The following NCALD variants were observed in gnomAD, a reference collection of about 807,000 sequenced individuals.
The protein encoded by NCALD is neurocalcin-delta.
NCALD carries 10 observed loss-of-function variants against 18.6 expected under a neutral mutation model. The observed-to-expected ratio is 0.54, with a 90% CI of 0.33 to 0.91. The LOEUF is 0.91. Among genes scored for constraint, NCALD ranks in the 40% least tolerant of loss-of-function variants. The probability of loss-of-function intolerance (pLI) is 0.03; values close to 1 mark genes in which losing one functional copy is unlikely to be tolerated. For missense variants in NCALD, 184 were observed against 247.6 expected, an observed-to-expected ratio of 0.74 and a Z score of 1.72; for synonymous variants, 88 against 87.4, an observed-to-expected ratio of 1.01 and a Z score of -0.04.
intron 4 of NCALD, among the ~76,000 whole-genome samples, chr8:101,883,210 C>CA (rs34419620): frequency 1.3e-5 from 2 of 152,012 alleles, no homozygotes; most frequent in African/African-American, 4.8e-5. Context: ...TCTGACTCGA[C>CA]AAAAAATACA....
At chr8:102,047,770 C>T (rs1308217951) in intron 1 of NCALD, among the ~76,000 whole-genome samples, 1 of 152,146 alleles carries the variant, frequency 6.6e-6, no homozygotes, top group Non-Finnish European at 1.5e-5. Flanking sequence ...TATTATTATT[C>T]TTCCCATTTT....
At chr8:101,731,167 G>A (rs1392604281) in intron 1 of NCALD, among the ~76,000 whole-genome samples, 4 of 152,130 alleles carry the variant, frequency 2.6e-5, no homozygotes, top group African/African-American at 4.8e-5. Context: ...AACTGGAGGC[G>A]TGCCTAGCGT....
chr8:101,782,026 A>G (rs2130959250), intron 1 of NCALD, among the ~76,000 whole-genome samples: 1 of 148,748 alleles, frequency 6.7e-6, no homozygotes, highest in Admixed American at 6.8e-5. Context: ...TGATTCAAAG[A>G]TTTTTCAGAA....
chr8:102,033,228 A>G (rs1394573620), intron 1 of NCALD, among the ~76,000 whole-genome samples: 2 of 152,076 alleles, frequency 1.3e-5, no homozygotes, highest in African/African-American at 4.8e-5. Flanking sequence ...CCTGCCATAT[A>G]CTCCATCATC....
At chr8:101,714,581 G>A (rs912893772) in intron 2 of NCALD, among the ~76,000 whole-genome samples, 3 of 152,188 alleles carry the variant, frequency 2.0e-5, no homozygotes, top group Non-Finnish European at 4.4e-5. Flanking sequence ...GTAATTTATA[G>A]ATTCAATGCT....
At chr8:101,694,748 C>A (rs1197531442) in intron 2 of NCALD, among the ~76,000 whole-genome samples, 2 of 152,048 alleles carry the variant, frequency 1.3e-5, no homozygotes, top group African/African-American at 2.4e-5. Flanking sequence ...TCATCCCAGC[C>A]CAGGTCTGCT....
intron 4 of NCALD, among the ~76,000 whole-genome samples, chr8:101,875,039 C>G (rs1268894144): frequency 6.6e-6 from 1 of 152,180 alleles, no homozygotes; most frequent in Admixed American, 6.5e-5. Flanking sequence ...GACAACATAA[C>G]TGCATAATAA....
At chr8:101,856,563 AAAAAG>A (rs1484882841) in intron 4 of NCALD, among the ~76,000 whole-genome samples, 4 of 152,200 alleles carry the variant, frequency 2.6e-5, no homozygotes, top group Non-Finnish European at 5.9e-5. Context: ...ATTAAGAAAA[AAAAAG>A]AAAACTGCTA....
At position 101,973,250 on chromosome 8, in the gene NCALD, T is replaced by C. The variant is rs191926294; in HGVS notation, c.-157+46987A>G. Among the ~76,000 whole-genome samples the C allele has an allele frequency of 5.9e-5, 9 of 152,288 alleles. No homozygotes were observed. The East Asian group carries it at 1.7e-3, about 29-fold the overall frequency. Reference sequence around the variant, plus strand: ...TCCCATCTAGGATACCACATTACATTTATCATTATGTCTCCATAGGCTCCT... The same window carrying C: ...TCCCATCTAGGATACCACATTACATCTATCATTATGTCTCCATAGGCTCCT... On this transcript the variant is annotated intron_variant, in intron 2 of 6. Coordinates refer to the NCALD transcript ENST00000311028.
chr8:102,082,265 C>T (rs1824573017), intron 1 of NCALD, among the ~76,000 whole-genome samples: 1 of 111,836 alleles, frequency 8.9e-6, no homozygotes, highest in Non-Finnish European at 1.6e-5. Flanking sequence ...GGGAGTCTCG[C>T]TCTGTCGCCC....
intron 2 of NCALD, among the ~76,000 whole-genome samples, chr8:101,988,902 G>GAAAAAAAA (rs35196499): frequency 1.5e-5 from 1 of 66,070 alleles, no homozygotes. Flanking sequence ...GGTGCCAGCA[G>GAAAAAAAA]AAAAAAAAAA....
chr8:101,980,635 T>C (rs572095007), intron 2 of NCALD, among the ~76,000 whole-genome samples: 3 of 152,338 alleles, frequency 2.0e-5, no homozygotes, highest in South Asian at 2.1e-4. Flanking sequence ...GGCTCATCTT[T>C]GGAAGACGGT....
chr8:102,112,956 TAC>T (rs1825684042), intron 1 of NCALD, among the ~76,000 whole-genome samples: 1 of 152,104 alleles, frequency 6.6e-6, no homozygotes, highest in South Asian at 2.1e-4. Flanking sequence ...CTTGAATTTT[TAC>T]AGACATCAGA....
chr8:101,965,531 A>G (rs1294537202), intron 2 of NCALD, among the ~76,000 whole-genome samples: 1 of 152,072 alleles, frequency 6.6e-6, no homozygotes, highest in East Asian at 1.9e-4. Context: ...AGCAAACACC[A>G]CATGTTCTCA....
intron 4 of NCALD, among the ~76,000 whole-genome samples, chr8:101,885,788 C>G (rs1369126662): frequency 6.6e-6 from 1 of 152,198 alleles, no homozygotes; most frequent in African/African-American, 2.4e-5. Context: ...ATCCACACCT[C>G]CATGCCAAGG....
chr8:101,916,536 G>C (rs948490345), intron 2 of NCALD, among the ~76,000 whole-genome samples: 6 of 152,122 alleles, frequency 3.9e-5, no homozygotes, highest in African/African-American at 1.4e-4. Context: ...TTACTTGAAT[G>C]CAAGTGGTTT....
chr8:102,081,572 A>AC (rs1563601184), intron 1 of NCALD, among the ~76,000 whole-genome samples: 1 of 116,678 alleles, frequency 8.6e-6, no homozygotes, highest in Non-Finnish European at 1.9e-5. Flanking sequence ...AAAAAAAAAA[A>AC]AAAACCCCAA....
chr8:101,728,744 A>G, intron 1 of NCALD, among the ~76,000 whole-genome samples: 1 of 152,170 alleles, frequency 6.6e-6, no homozygotes, highest in South Asian at 2.1e-4. Flanking sequence ...CACGTGAACC[A>G]GGGAGTTGGA....
intron 3 of NCALD, among the ~76,000 whole-genome samples, chr8:101,908,417 AT>A (rs1188109765): frequency 6.6e-6 from 1 of 151,934 alleles, no homozygotes; most frequent in Non-Finnish European, 1.5e-5. Context: ...TAAGTCACAT[AT>A]TTTTTCTCCT....
Sources: allele counts gnomAD v4.1 joint callset (sites outside exome capture counted in the v4.1 genomes callset), GRCh38; gene constraint gnomAD v4.1.1; transcripts MANE v1.5; gene names NCBI Gene and HGNC (gene_info 2026-07-23, HGNC 2026-07-21).